Variants in REDIC1 observed in about 807,000 individuals in gnomAD.
REDIC1 encodes HEI10 Interacting Protein 1.
At chr12:39,845,783 G>A in the REDIC1 span, among the ~76,000 whole-genome samples, 1 of 152,202 alleles carries the variant, frequency 6.6e-6, no homozygotes, top group Non-Finnish European at 1.5e-5. Flanking sequence ...TTAAATCAAG[G>A]TGAATGAAAC....
At chr12:39,854,778 C>T in the REDIC1 span, among the ~76,000 whole-genome samples, 13 of 152,224 alleles carry the variant, frequency 8.5e-5, no homozygotes, top group East Asian at 1.7e-3. Context: ...CCTGGTGGCC[C>T]TTTCTCCAGC....
At chr12:39,790,230 T>C in the REDIC1 span, among the ~76,000 whole-genome samples, 1 of 151,970 alleles carries the variant, frequency 6.6e-6, no homozygotes, top group Non-Finnish European at 1.5e-5. Context: ...TTCTTCTTTT[T>C]TTATTATACT....
chr12:39,714,311 G>A, the REDIC1 span, among the ~76,000 whole-genome samples: 10 of 147,270 alleles, frequency 6.8e-5, no homozygotes, highest in Non-Finnish European at 9.1e-5. Flanking sequence ...ATGTATATAC[G>A]TATATACAGG....
chr12:39,812,996 ATTTTTTTTTTT>A, the REDIC1 span, among the ~76,000 whole-genome samples: 12 of 40,616 alleles, frequency 3.0e-4, no homozygotes, highest in South Asian at 1.9e-3. Context: ...TGCCCAGCTA[ATTTTTTTTTTT>A]TTTTTTTTTT....
the REDIC1 span, among the ~76,000 whole-genome samples, chr12:39,900,187 A>C: frequency 1.3e-5 from 2 of 152,150 alleles, no homozygotes; most frequent in Non-Finnish European, 2.9e-5. Flanking sequence ...GATGGGACGT[A>C]TCTCAAAATA....
the REDIC1 span, among the ~76,000 whole-genome samples, chr12:39,708,390 A>C: frequency 6.6e-6 from 1 of 151,806 alleles, no homozygotes; most frequent in Non-Finnish European, 1.5e-5. Flanking sequence ...TATTTTGTTT[A>C]GTCTTTGCAT....
At chr12:39,696,360 G>A in the REDIC1 span, among the ~76,000 whole-genome samples, 2 of 150,570 alleles carry the variant, frequency 1.3e-5, no homozygotes, top group African/African-American at 2.4e-5. Context: ...CGGCTAAAAC[G>A]GTGAAACCCC....
chr12:39,780,061 A>T, the REDIC1 span, among the ~76,000 whole-genome samples: 57 of 152,340 alleles, frequency 3.7e-4, no homozygotes, highest in Admixed American at 5.9e-4. Flanking sequence ...AATGTCCTTG[A>T]GTAGATGTAA....
At chr12:39,878,958 C>T in the REDIC1 span, among the ~76,000 whole-genome samples, 5 of 152,236 alleles carry the variant, frequency 3.3e-5, no homozygotes, top group Non-Finnish European at 7.3e-5. Context: ...GCCTACTGCC[C>T]TGTGCAGCCT....
chr12:39,804,519 T>G, the REDIC1 span, among the ~76,000 whole-genome samples: 1 of 152,308 alleles, frequency 6.6e-6, no homozygotes, highest in East Asian at 1.9e-4. Context: ...ATTAAATAGC[T>G]TTGGTATTCC....
the REDIC1 span, among the ~76,000 whole-genome samples, chr12:39,710,624 T>G: frequency 1.3e-5 from 2 of 151,842 alleles, no homozygotes; most frequent in Non-Finnish European, 2.9e-5. Flanking sequence ...AATTGTTGGT[T>G]TATTCATCAT....
chr12:39,859,729 G>T, the REDIC1 span, among the ~76,000 whole-genome samples: 1 of 152,042 alleles, frequency 6.6e-6, no homozygotes, highest in Non-Finnish European at 1.5e-5. Flanking sequence ...GTTTCACCAT[G>T]TTGGCCGGGC....
At chr12:39,836,331 G>T in the REDIC1 span, among the ~76,000 whole-genome samples, 686 of 152,204 alleles carry the variant, frequency 4.5e-3, 2 homozygotes, top group Middle Eastern at 0.01. Flanking sequence ...GGCAAGTACA[G>T]TTAGAACCAA....
chr12:39,750,598 T>A, the REDIC1 span, among the ~76,000 whole-genome samples: 4 of 152,116 alleles, frequency 2.6e-5, no homozygotes, highest in African/African-American at 7.2e-5. Flanking sequence ...GAGCCCGCAT[T>A]GCCAAGTCGA....
the REDIC1 span, among the ~76,000 whole-genome samples, chr12:39,712,673 GTA>G: frequency 7.3e-6 from 1 of 137,670 alleles, no homozygotes; most frequent in Non-Finnish European, 1.6e-5. Flanking sequence ...GTATACATGT[GTA>G]TATATGTATA....
the REDIC1 span, among the ~76,000 whole-genome samples, chr12:39,648,918 T>C: frequency 1.3e-5 from 2 of 151,800 alleles, no homozygotes; most frequent in African/African-American, 2.4e-5. Context: ...ATTACATTCC[T>C]GTGACCCATG....
At chr12:39,667,537 T>A in the REDIC1 span, among the ~76,000 whole-genome samples, 1 of 152,180 alleles carries the variant, frequency 6.6e-6, no homozygotes, top group African/African-American at 2.4e-5. Flanking sequence ...GAAGAATGTA[T>A]ATTCTGTTGA....
the REDIC1 span, among the ~76,000 whole-genome samples, chr12:39,789,147 C>A: frequency 2.0e-5 from 3 of 152,102 alleles, no homozygotes; most frequent in Non-Finnish European, 4.4e-5. Context: ...CTGTGAACCA[C>A]TTTCTGATAG....
At chr12:39,709,048 A>G in the REDIC1 span, among the ~76,000 whole-genome samples, 8 of 151,832 alleles carry the variant, frequency 5.3e-5, no homozygotes, top group Non-Finnish European at 8.8e-5. Flanking sequence ...GTAGTTGCGT[A>G]AAATACCTTT....
Sources: gnomAD v4.1 joint callset for allele counts (sites outside exome capture counted in the v4.1 genomes callset) on GRCh38, gnomAD v4.1.1 for gene constraint, MANE v1.5 for transcripts, NCBI Gene and HGNC (gene_info 2026-07-23, HGNC 2026-07-21) for gene names.